SUSD4: variants seen among roughly 807,000 people sequenced by gnomAD.
The protein encoded by SUSD4 is sushi domain containing 4.
SUSD4 carries 41 observed loss-of-function variants against 50.5 expected under a neutral mutation model. The observed-to-expected ratio is 0.81, with a 90% CI of 0.63 to 1.05. The LOEUF (loss-of-function observed/expected upper bound fraction) is 1.05. Ranked by LOEUF, SUSD4 falls within the 50% of genes least tolerant of loss-of-function variation. The probability of loss-of-function intolerance (pLI) is 0.00; values close to 1 mark genes in which losing one functional copy is unlikely to be tolerated. For synonymous variants in SUSD4, 257 were observed against 257.3 expected (o/e 1.00, Z 0.01); for missense variants, 580 against 634.7 (o/e 0.91, Z 0.93).
At chr1:223,341,317 C>G (rs1178263264) in intron 2 of SUSD4, among the ~76,000 whole-genome samples, 2 of 152,194 alleles carry the variant, frequency 1.3e-5, no homozygotes, top group Non-Finnish European at 2.9e-5. Flanking sequence ...GATTCAGCAT[C>G]TGACGCGGGC....
At chr1:223,345,917 T>C (rs1401627698) in intron 2 of SUSD4, among the ~76,000 whole-genome samples, 2 of 152,170 alleles carry the variant, frequency 1.3e-5, no homozygotes, top group Non-Finnish European at 2.9e-5. Flanking sequence ...CCTCCGGGCC[T>C]TCAGCACCTC....
At chr1:223,257,046 T>C (rs1661744373) in intron 5 of SUSD4, among the ~76,000 whole-genome samples, 1 of 152,110 alleles carries the variant, frequency 6.6e-6, no homozygotes, top group Non-Finnish European at 1.5e-5. Flanking sequence ...CATCCAAAAA[T>C]GTCAAATGAA....
chr1:223,240,777 C>T (rs1262362245), intron 5 of SUSD4, among the ~76,000 whole-genome samples: 1 of 152,160 alleles, frequency 6.6e-6, no homozygotes, highest in East Asian at 1.9e-4. Context: ...CCCAACATTC[C>T]TGTCATGTCT....
intron 2 of SUSD4, among the ~76,000 whole-genome samples, chr1:223,305,126 A>G (rs559192708): frequency 6.8e-4 from 104 of 152,138 alleles, no homozygotes; most frequent in African/African-American, 2.4e-3. Context: ...ACAAACCTCT[A>G]GAGAATTAAA....
At chr1:223,280,266 G>A (rs1663609805) in intron 3 of SUSD4, among the ~76,000 whole-genome samples, 1 of 152,104 alleles carries the variant, frequency 6.6e-6, no homozygotes. Flanking sequence ...TGGGCTAAAT[G>A]CTCCAATTAA....
intron 5 of SUSD4, chr1:223,235,109 A>C (rs533010938): frequency 6.3e-7 from 1 of 1,594,120 alleles, no homozygotes; most frequent in East Asian, 2.2e-5. Flanking sequence ...TCCTGAAAAA[A>C]AGAAGTGTAA....
chr1:223,279,587 G>A (rs997689222), intron 3 of SUSD4, among the ~76,000 whole-genome samples: 2 of 152,224 alleles, frequency 1.3e-5, no homozygotes, highest in African/African-American at 2.4e-5. Flanking sequence ...AGGGGACTAT[G>A]TGCAAAGACC....
intron 3 of SUSD4, among the ~76,000 whole-genome samples, chr1:223,273,026 T>C (rs1663019516): frequency 6.6e-6 from 1 of 152,138 alleles, no homozygotes; most frequent in Admixed American, 6.5e-5. Flanking sequence ...ACTCTTTTAA[T>C]TTGGGTAGAT....
intron 2 of SUSD4, chr1:223,359,228 T>C (rs1547788): frequency 0.31 from 137,633 of 447,442 alleles, 21,624 homozygotes; most frequent in African/African-American, 0.39. Flanking sequence ...TCAGAACCCC[T>C]ATTGGAGCTT....
intron 3 of SUSD4, among the ~76,000 whole-genome samples, chr1:223,272,499 T>A (rs1662986581): frequency 6.6e-6 from 1 of 152,246 alleles, no homozygotes; most frequent in Non-Finnish European, 1.5e-5. Context: ...GAGCAGCGCC[T>A]AAGGGATGGA....
intron 4 of SUSD4, among the ~76,000 whole-genome samples, chr1:223,267,079 G>T (rs1281945342): frequency 1.3e-5 from 2 of 152,214 alleles, no homozygotes; most frequent in African/African-American, 4.8e-5. Flanking sequence ...TGGCTCTGTT[G>T]TTGCAGACCT....
At chr1:223,265,082 C>T (rs796241839) in intron 4 of SUSD4, among the ~76,000 whole-genome samples, 1 of 152,208 alleles carries the variant, frequency 6.6e-6, no homozygotes, top group African/African-American at 2.4e-5. Flanking sequence ...GAATGTCTGA[C>T]TGTGGATTGT....
intron 3 of SUSD4, among the ~76,000 whole-genome samples, chr1:223,291,488 CA>C (rs71572850): frequency 6.2e-3 from 305 of 49,504 alleles, no homozygotes; most frequent in South Asian, 0.012. Context: ...GACACTGTCT[CA>C]AAAAAAAAAA....
chr1:223,277,405 T>C (rs911683215), intron 3 of SUSD4, among the ~76,000 whole-genome samples: 1 of 152,018 alleles, frequency 6.6e-6, no homozygotes, highest in Admixed American at 6.6e-5. Flanking sequence ...CCTCCTCCTG[T>C]GCTCTATGCC....
intron 3 of SUSD4, among the ~76,000 whole-genome samples, chr1:223,271,927 C>T (rs184022447): frequency 2.3e-3 from 345 of 152,260 alleles, no homozygotes; most frequent in Non-Finnish European, 2.8e-3. Flanking sequence ...ATAAACTAAT[C>T]TAGTCAATAG....
intron 2 of SUSD4, among the ~76,000 whole-genome samples, chr1:223,302,772 G>A (rs1415647739): frequency 6.6e-6 from 1 of 152,206 alleles, no homozygotes; most frequent in East Asian, 1.9e-4. Context: ...CCTGCCTCTG[G>A]AGGAGATGCC....
At chr1:223,311,226 C>T (rs971422035) in intron 2 of SUSD4, among the ~76,000 whole-genome samples, 4 of 152,132 alleles carry the variant, frequency 2.6e-5, no homozygotes, top group South Asian at 2.1e-4. Flanking sequence ...ACTTAATTTC[C>T]GAAACACTGT....
At chr1:223,357,582 G>C (rs1356853806) in intron 2 of SUSD4, among the ~76,000 whole-genome samples, 1 of 152,108 alleles carries the variant, frequency 6.6e-6, no homozygotes, top group Non-Finnish European at 1.5e-5. Flanking sequence ...ACAGTTGTGA[G>C]GAATTAAATG....
At chr1:223,242,889 G>A (rs1265340538) in intron 5 of SUSD4, among the ~76,000 whole-genome samples, 2 of 152,278 alleles carry the variant, frequency 1.3e-5, no homozygotes, top group East Asian at 3.9e-4. Context: ...GGAAAAGAAA[G>A]CATCTGCCAG....
Sources: gnomAD v4.1 joint callset for allele counts (sites outside exome capture counted in the v4.1 genomes callset) on GRCh38, gnomAD v4.1.1 for gene constraint, MANE v1.5 for transcripts, NCBI Gene and HGNC (gene_info 2026-07-23, HGNC 2026-07-21) for gene names.